LTBP1: variants seen among roughly 807,000 people sequenced by gnomAD.
LTBP1 encodes latent transforming growth factor beta binding protein 1.
In LTBP1, 129 loss-of-function variants were observed where a neutral mutation model predicts 207.6. The observed-to-expected ratio is 0.62, with a 90% CI of 0.54 to 0.72. LTBP1 has a LOEUF of 0.72. LTBP1 is among the 30% of genes least tolerant of loss of function. LTBP1 has a pLI of 0.00. For missense variants in LTBP1, 2,281 were observed against 2,217.2 expected (o/e 1.03, Z -0.58); for synonymous variants, 963 against 833.7 (o/e 1.16, Z -2.67).
At chr2:32,976,195 GC>G (rs1390032012) in intron 2 of LTBP1, among the ~76,000 whole-genome samples, 8 of 152,188 alleles carry the variant, frequency 5.3e-5, no homozygotes, top group Non-Finnish European at 8.8e-5. Flanking sequence ...CTGGTATGGG[GC>G]CCCCAGCTTT....
chr2:33,091,711 C>G (rs981914789), intron 3 of LTBP1, among the ~76,000 whole-genome samples: 8 of 152,204 alleles, frequency 5.3e-5, no homozygotes, highest in African/African-American at 1.9e-4. Flanking sequence ...AATCCTCTGA[C>G]TAATCGCCCG....
intron 1 of LTBP1, among the ~76,000 whole-genome samples, 181 bp downstream of exon 1, chr2:32,947,999 G>T (rs1014928518): frequency 6.6e-6 from 1 of 152,186 alleles, no homozygotes; most frequent in African/African-American, 2.4e-5. Context: ...GTGCGGGGAA[G>T]CCCAGGAACT....
chr2:33,002,555 C>A (rs1308812424), intron 2 of LTBP1, among the ~76,000 whole-genome samples: 2 of 152,178 alleles, frequency 1.3e-5, no homozygotes, highest in African/African-American at 4.8e-5. Flanking sequence ...TTCCAGCTCT[C>A]TTTATCCTGC....
At chr2:32,965,597 G>T (rs892723429) in intron 2 of LTBP1, among the ~76,000 whole-genome samples, 3 of 152,100 alleles carry the variant, frequency 2.0e-5, no homozygotes, top group African/African-American at 7.2e-5. Context: ...TTTCAGATTG[G>T]CTTCTTTCAC....
chr2:32,953,695 T>C (rs939044076), intron 2 of LTBP1, among the ~76,000 whole-genome samples: 23 of 152,160 alleles, frequency 1.5e-4, no homozygotes, highest in African/African-American at 5.3e-4. Flanking sequence ...TATCGAAGTT[T>C]TTGCTGCCCA....
chr2:33,116,270 T>C (rs181244272), intron 4 of LTBP1, among the ~76,000 whole-genome samples: 4 of 152,370 alleles, frequency 2.6e-5, no homozygotes, highest in Admixed American at 6.5e-5. Flanking sequence ...CTAAATTGGA[T>C]TTCTCATTGC....
At chr2:33,293,910 A>G (rs1035304722) in intron 20 of LTBP1, among the ~76,000 whole-genome samples, 5 of 150,762 alleles carry the variant, frequency 3.3e-5, no homozygotes, top group East Asian at 3.9e-4. Flanking sequence ...GTATATTCCT[A>G]TATCACAGTT....
chr2:33,175,317 A>G (rs1008096368), intron 5 of LTBP1, among the ~76,000 whole-genome samples: 6 of 152,214 alleles, frequency 3.9e-5, no homozygotes, highest in Non-Finnish European at 5.9e-5. Flanking sequence ...ACAAGAAAAA[A>G]ACAACCCCAT....
intron 3 of LTBP1, among the ~76,000 whole-genome samples, chr2:33,107,193 G>A (rs531490410): frequency 1.3e-5 from 2 of 152,344 alleles, no homozygotes; most frequent in African/African-American, 2.4e-5. Flanking sequence ...GGTAAACACT[G>A]TCTTGTAAAA....
chr2:33,048,770 T>C (rs1390065082), intron 3 of LTBP1, among the ~76,000 whole-genome samples: 1 of 152,154 alleles, frequency 6.6e-6, no homozygotes, highest in Non-Finnish European at 1.5e-5. Flanking sequence ...TTACAGATGA[T>C]AGGATATTAA....
intron 9 of LTBP1, among the ~76,000 whole-genome samples, chr2:33,224,912 T>A (rs919954541): frequency 1.3e-5 from 2 of 152,210 alleles, no homozygotes; most frequent in Non-Finnish European, 2.9e-5. Flanking sequence ...ATTTCTGATC[T>A]TTGTTTTCTT....
chr2:32,950,771 G>T (rs1220202183), intron 2 of LTBP1, among the ~76,000 whole-genome samples: 1 of 152,186 alleles, frequency 6.6e-6, no homozygotes, highest in African/African-American at 2.4e-5. Flanking sequence ...GCTCCTTGAT[G>T]CCTGTTGGAG....
intron 10 of LTBP1, among the ~76,000 whole-genome samples, chr2:33,251,923 C>T (rs2092697917): frequency 6.6e-6 from 1 of 152,118 alleles, no homozygotes; most frequent in Non-Finnish European, 1.5e-5. Flanking sequence ...TCATATTTGC[C>T]ATGTGTGCCT....
chr2:33,240,871 C>T (rs1028740062), intron 9 of LTBP1, among the ~76,000 whole-genome samples: 3 of 151,926 alleles, frequency 2.0e-5, no homozygotes, highest in African/African-American at 7.3e-5. Flanking sequence ...AGGATGGTCT[C>T]GATCTCCTGA....
chr2:32,947,034 C>T lies in LTBP1; in HGVS notation c.-291C>T, dbSNP rs866115749. 3 of 249,042 alleles carry T rather than the reference C, an allele frequency of 1.2e-5. No homozygotes were observed. The highest frequency in any genetic ancestry group is 2.2e-3 in the Middle Eastern group (2 of 892). 15.4% of individuals were successfully genotyped at this position (249,042 alleles called of 1,614,324 possible). On this transcript the variant is annotated 5_prime_UTR_variant, in exon 1 of 34. The change creates a new upstream start codon in the 5' untranslated region. Transcript: ENST00000404816. ...GCGCGCGCTGCAACCCCCGGCCGGA[C>T]GCGCGGACCCTCACCTTGCGCGGCC...
intron 8 of LTBP1, 60 bp downstream of exon 8, chr2:33,217,714 A>T: frequency 8.5e-7 from 1 of 1,169,704 alleles, no homozygotes. Flanking sequence ...TTTTATGATT[A>T]CTCCTTTAAT....
intron 24 of LTBP1, among the ~76,000 whole-genome samples, chr2:33,316,100 T>C (rs1286003092): frequency 6.6e-6 from 1 of 152,228 alleles, no homozygotes; most frequent in African/African-American, 2.4e-5. Flanking sequence ...GTTAAGATAA[T>C]GCTCTTGGCT....
chr2:33,097,569 T>C (rs2079465720), intron 3 of LTBP1, among the ~76,000 whole-genome samples: 1 of 152,330 alleles, frequency 6.6e-6, no homozygotes, highest in East Asian at 1.9e-4. Flanking sequence ...AAAATTCAAC[T>C]TTATTTTGTT....
At position 33,361,471 on chromosome 2, in the gene LTBP1, C is replaced by T; in HGVS notation, c.4226C>T (p.Pro1409Leu). The part of the protein sequence containing the change: ...EMCPKGKGFV[P>L]AGESSSEAGG... ...TGTCCCAAAGGGAAAGGTTTTGTGC[C>T]TGCTGGAGAATCATCTTCTGAAGCT... Residue 1409 changes from proline to leucine, a missense_variant, in exon 28 of 34, where the codon CCT becomes CTT. This residue lies in a region of LTBP1 where 1,671 missense variants were observed against 1,634.8 expected (regional missense o/e 1.02). Coordinates refer to ENST00000404816, the MANE Select transcript of LTBP1 (RefSeq NM_206943.4). The T allele has an allele frequency of 6.2e-7, 1 of 1,612,980 alleles. No homozygotes were observed. Among genetic ancestry groups the T allele is most frequent in the Admixed American group, 1.7e-5 (1 of 59,924 alleles).
Sources: allele counts gnomAD v4.1 joint callset (sites outside exome capture counted in the v4.1 genomes callset), GRCh38; gene constraint gnomAD v4.1.1; regional missense constraint gnomAD v4.1.1; transcripts MANE v1.5; gene names NCBI Gene and HGNC (gene_info 2026-07-23, HGNC 2026-07-21).